The following TRAK1 variants were observed in gnomAD, a reference collection of about 807,000 sequenced individuals.
TRAK1 encodes the protein trafficking kinesin protein 1.
Under a neutral mutation model 92.1 loss-of-function variants are expected in TRAK1, and 33 were observed. The ratio of observed to expected loss-of-function variants is 0.36; its 90% CI spans 0.27 to 0.48. The LOEUF is 0.48. TRAK1 is among the 20% of genes least tolerant of loss of function. The probability of loss-of-function intolerance (pLI) is 0.99; values close to 1 mark genes in which losing one functional copy is unlikely to be tolerated. For missense variants in TRAK1, 1,123 were observed against 1,257.9 expected (o/e 0.89, Z 1.62); for synonymous variants, 521 against 517.3 (o/e 1.01, Z -0.10).
intron 2 of TRAK1, among the ~76,000 whole-genome samples, chr3:42,165,272 G>C (rs866190801): frequency 5.9e-5 from 9 of 152,148 alleles, no homozygotes; most frequent in South Asian, 2.1e-4. Context: ...GGCAGAGTCA[G>C]TCTTCTGCAC....
At chr3:42,184,045 C>T (rs1002834492) in intron 3 of TRAK1, among the ~76,000 whole-genome samples, 4 of 152,168 alleles carry the variant, frequency 2.6e-5, no homozygotes, top group African/African-American at 9.7e-5. Flanking sequence ...ATAACGTCTC[C>T]GTTTTGAAAG....
At chr3:42,159,801 T>A (rs1441443101) in intron 2 of TRAK1, among the ~76,000 whole-genome samples, 1 of 152,188 alleles carries the variant, frequency 6.6e-6, no homozygotes, top group Non-Finnish European at 1.5e-5. Flanking sequence ...CACAGTCAGA[T>A]TTGTCTCCAC....
rs1704375197 is a variant in TRAK1, at chr3:42,080,401, A to G, written c.-518-6703A>G. Among the ~76,000 whole-genome samples the G allele has an allele frequency of 5.3e-5, 8 of 152,072 alleles. No homozygotes were observed. The South Asian group carries it at 1.7e-3, about 32-fold the overall frequency. On this transcript the variant is annotated intron_variant, in intron 1 of 16. Coordinates refer to the TRAK1 transcript ENST00000487159. ...TGGCACCTCTTTTGCTGAAAAATTGACCTGGTTGCAGAATTTCTCACTCCT... is the reference window on the plus strand; with the variant it reads ...TGGCACCTCTTTTGCTGAAAAATTGGCCTGGTTGCAGAATTTCTCACTCCT...
intron 2 of TRAK1, chr3:42,160,298 G>A: frequency 6.3e-7 from 1 of 1,593,266 alleles, no homozygotes; most frequent in South Asian, 1.1e-5. Context: ...CTGGGTAGGG[G>A]GTCGGGGGCA....
rs796196526 is a variant in TRAK1, at chr3:42,160,295, G to T, written c.287-16519G>T. ...CAGGCCTGCATGGCTCCTCTGGGTA[G>T]GGGGTCGGGGGCACCCCCAAGGATG... On this transcript the variant is annotated intron_variant, in intron 2 of 15. Coordinates refer to ENST00000327628, the MANE Select transcript of TRAK1 (RefSeq NM_001042646.3). 1.1e-5 allele frequency: 18 copies of T among 1,589,602 alleles called. No homozygotes were observed. The African/African-American group carries it at 2.4e-4, about 21-fold the overall frequency.
chr3:42,076,445 C>T (rs910377073), intron 1 of TRAK1, among the ~76,000 whole-genome samples: 1 of 151,678 alleles, frequency 6.6e-6, no homozygotes, highest in East Asian at 1.9e-4. Context: ...AGGCTGGTCT[C>T]GAACTTCTGA....
chr3:42,037,235 A>C (rs1270765141), intron 1 of TRAK1, among the ~76,000 whole-genome samples: 4 of 152,242 alleles, frequency 2.6e-5, no homozygotes, highest in Non-Finnish European at 5.9e-5. Flanking sequence ...TTAGGATTCA[A>C]GTAACTGATT....
chr3:42,014,460 C>CA, intron 1 of TRAK1, among the ~76,000 whole-genome samples: 1 of 152,246 alleles, frequency 6.6e-6, no homozygotes, highest in African/African-American at 2.4e-5. Context: ...AAAATGACAT[C>CA]ATCTGAGCGT....
intron 2 of TRAK1, among the ~76,000 whole-genome samples, chr3:42,173,298 T>C (rs976231877): frequency 9.2e-5 from 14 of 152,194 alleles, no homozygotes; most frequent in Non-Finnish European, 1.3e-4. Flanking sequence ...TACATTCTTA[T>C]AGAGAGAGAA....
At position 42,191,645 on chromosome 3, in the gene TRAK1, C is replaced by G. The variant is rs756546466; in HGVS notation, c.769+9C>G. 2 of 1,592,008 alleles carry G rather than the reference C, an allele frequency of 1.3e-6. No individual in the cohort carries two copies. The highest frequency in any genetic ancestry group is 2.3e-5 in the South Asian group (2 of 87,002). On this transcript the variant is annotated intron_variant, in intron 7 of 15. Coordinates refer to ENST00000327628, the MANE Select transcript of TRAK1 (RefSeq NM_001042646.3). ...CTGCGTGAAGGAGCTGAGTATGTCC[C>G]CGCACTGCTGTCTTCTTACTTCCTT...
intron 2 of TRAK1, among the ~76,000 whole-genome samples, chr3:42,138,876 GGTGTGTGTGT>G (rs60025099): frequency 8.2e-4 from 97 of 118,814 alleles, no homozygotes; most frequent in Admixed American, 1.3e-3. Context: ...AAGCATAGGG[GGTGTGTGTGT>G]GTGTGTGTGT....
At chr3:42,200,712 G>C (rs1458372526) in intron 11 of TRAK1, 106 bp from the exon 12 acceptor site, 7 of 1,152,724 alleles carry the variant, frequency 6.1e-6, no homozygotes, top group South Asian at 5.4e-5. Context: ...TGGGGGACTC[G>C]TCATAGGCCA....
At chr3:42,110,632 G>A (rs1708262631) in intron 1 of TRAK1, among the ~76,000 whole-genome samples, 1 of 152,148 alleles carries the variant, frequency 6.6e-6, no homozygotes, top group Non-Finnish European at 1.5e-5. Context: ...TTATAGGTGG[G>A]GTGTGAGCTT....
At chr3:42,143,308 C>CTTTTTTTTTTTTTT (rs369435084) in intron 2 of TRAK1, among the ~76,000 whole-genome samples, 1 of 139,260 alleles carries the variant, frequency 7.2e-6, no homozygotes, top group African/African-American at 2.7e-5. Flanking sequence ...TGTACCTCTT[C>CTTTTTTTTTTTTTT]TTTTTTTTTT....
chr3:42,033,071 G>A (rs1314567638), intron 1 of TRAK1, among the ~76,000 whole-genome samples: 1 of 152,188 alleles, frequency 6.6e-6, no homozygotes, highest in Non-Finnish European at 1.5e-5. Flanking sequence ...TGTTCTGGAA[G>A]TATTAGCACA....
intron 1 of TRAK1, among the ~76,000 whole-genome samples, chr3:42,093,673 TCCCCTC>T (rs1559755763): frequency 3.3e-3 from 21 of 6,362 alleles, no homozygotes; most frequent in East Asian, 0.01. Context: ...TTCCCTCCCC[TCCCCTC>T]CCCTCCCCTC....
At chr3:42,173,679 G>T (rs1702843779) in intron 2 of TRAK1, among the ~76,000 whole-genome samples, 1 of 152,128 alleles carries the variant, frequency 6.6e-6, no homozygotes, top group South Asian at 2.1e-4. Context: ...GACTGGCCTC[G>T]GTGCAGTCTC....
intron 1 of TRAK1, among the ~76,000 whole-genome samples, chr3:42,075,837 T>A (rs1007530114): frequency 2.0e-5 from 3 of 152,150 alleles, no homozygotes; most frequent in Non-Finnish European, 2.9e-5. Flanking sequence ...TTAAAATTTT[T>A]AAAATTTTAT....
At chr3:42,112,533 G>A (rs1250604771) in intron 1 of TRAK1, among the ~76,000 whole-genome samples, 1 of 151,406 alleles carries the variant, frequency 6.6e-6, no homozygotes, top group Non-Finnish European at 1.5e-5. Flanking sequence ...TCAGGAGTTC[G>A]AGACCAGCCT....
Sources: allele counts gnomAD v4.1 joint callset (sites outside exome capture counted in the v4.1 genomes callset), GRCh38; gene constraint gnomAD v4.1.1; transcripts MANE v1.5; gene names NCBI Gene and HGNC (gene_info 2026-07-23, HGNC 2026-07-21).